Variants in OSBPL3 observed in about 807,000 individuals in gnomAD.
OSBPL3 encodes oxysterol binding protein like 3.
Under a neutral mutation model 120.1 loss-of-function variants are expected in OSBPL3, and 65 were observed. The ratio of observed to expected loss-of-function variants is 0.54; its 90% CI spans 0.44 to 0.67. The LOEUF (loss-of-function observed/expected upper bound fraction) is 0.67, where lower values mean the gene tolerates loss of function less well. Among genes scored for constraint, OSBPL3 ranks in the 30% least tolerant of loss-of-function variants. OSBPL3 has a pLI of 0.00. For synonymous variants in OSBPL3, 416 were observed against 402.6 expected (o/e 1.03, Z -0.40); for missense variants, 1,004 against 1,082.1 (o/e 0.93, Z 1.01).
Position 24,871,558 on chromosome 7 carries a change from T to C in OSBPL3, c.267+184A>G, listed in dbSNP as rs1404868918. The stretch of plus-strand genomic sequence containing the variant: ...GCCCAGAGAGTGTTGCGGGAGCCCC[T>C]GCACCTTGACCTGGTGGAAGAACTG... On this transcript the variant is annotated intron_variant, in intron 4 of 22. Coordinates refer to ENST00000313367, the MANE Select transcript of OSBPL3 (RefSeq NM_015550.4). The surrounding 1 kb of genome is among the most constrained non-coding windows in gnomAD (Gnocchi z 4.8). Among the ~76,000 whole-genome samples, 1 of 152,136 alleles carries C rather than the reference T, an allele frequency of 6.6e-6. No individual in the cohort carries two copies. Among genetic ancestry groups the C allele is most frequent in the African/African-American group, 2.4e-5 (1 of 41,418 alleles).
intron 1 of OSBPL3, among the ~76,000 whole-genome samples, chr7:24,917,238 G>C (rs1809694928): frequency 6.6e-6 from 1 of 151,680 alleles, no homozygotes; most frequent in Non-Finnish European, 1.5e-5. Flanking sequence ...ATCTTAAGGG[G>C]TGTGCATCAG....
chr7:24,847,059 C>CAAAAAAAAAAAAAA (rs10712873), intron 12 of OSBPL3, among the ~76,000 whole-genome samples: 1 of 106,266 alleles, frequency 9.4e-6, no homozygotes. Flanking sequence ...GACTCTGTCT[C>CAAAAAAAAAAAAAA]AAAAAAAAAA....
intron 2 of OSBPL3, among the ~76,000 whole-genome samples, chr7:24,878,612 A>G (rs548105988): frequency 6.6e-6 from 1 of 152,334 alleles, no homozygotes; most frequent in South Asian, 2.1e-4. Flanking sequence ...CTGTACTCAC[A>G]TTTCAATCAC....
intron 1 of OSBPL3, among the ~76,000 whole-genome samples, chr7:24,945,865 T>G (rs2128489976): frequency 6.6e-6 from 1 of 152,366 alleles, no homozygotes; most frequent in East Asian, 1.9e-4. Context: ...TTTCAAACAT[T>G]TTTATTTCTT....
At position 24,965,929 on chromosome 7, in the gene OSBPL3, C is replaced by A. The variant is rs1193525188; in HGVS notation, c.-150+13957G>T. 1.3e-5 allele frequency among the ~76,000 whole-genome samples: 2 copies of A among 152,198 alleles called. No homozygotes were observed. The highest frequency in any genetic ancestry group is 4.8e-5 in the African/African-American group (2 of 41,432). On this transcript the variant is annotated intron_variant, in intron 1 of 22. Coordinates refer to ENST00000313367, the MANE Select transcript of OSBPL3 (RefSeq NM_015550.4). This position sits in a 1 kb window ranked among gnomAD's most constrained non-coding sequence, Gnocchi z 4.3. ...AGAACCACTTCCCTCAAGGGTGTGTCCCATTCATGTGGCCCCACCCCTCCA... is the reference window on the plus strand; with the variant it reads ...AGAACCACTTCCCTCAAGGGTGTGTACCATTCATGTGGCCCCACCCCTCCA...
chr7:24,872,174 G>A lies in OSBPL3; in HGVS notation c.97-105C>T, dbSNP rs1022096967. 6.1e-6 allele frequency: 5 copies of A among 821,854 alleles called. No individual in the cohort carries two copies. In the Admixed American group the frequency reaches 7.8e-5, roughly 13 times the overall value. 50.9% of individuals were successfully genotyped at this position (821,854 alleles called of 1,614,324 possible). On this transcript the variant is annotated intron_variant, in intron 2 of 22. Coordinates refer to ENST00000313367, the MANE Select transcript of OSBPL3 (RefSeq NM_015550.4). This position sits in a 1 kb window ranked among gnomAD's most constrained non-coding sequence, Gnocchi z 4.1. ...TAAATTTATTCAAGATGGGGAGGCT[G>A]GCTGGGTTTGTTGGGGAGAAGAAAT...
Position 24,804,356 on chromosome 7 carries a change from G to A in OSBPL3, c.2526C>T (p.Val842=). 6.2e-7 allele frequency: 1 copy of A among 1,614,012 alleles called. No homozygotes were observed. Among genetic ancestry groups the A allele is most frequent in the Non-Finnish European group, 8.5e-7 (1 of 1,180,002 alleles). ...IEQLQRERRR[V]LEENHVEHQP... ...GGTGCTCCACATGATTTTCTTCTAA[G>A]ACCCGCCGCCTTTCTCTCTGCAGTT... The change falls in exon 22 of 23, where the codon GTC becomes GTT. Residue 842 remains valine (V), a synonymous_variant. Coordinates refer to ENST00000313367, the MANE Select transcript of OSBPL3 (RefSeq NM_015550.4). The surrounding 1 kb of genome is among the most constrained non-coding windows in gnomAD (Gnocchi z 5.4).
intron 2 of OSBPL3, among the ~76,000 whole-genome samples, chr7:24,876,123 C>T (rs1482035373): frequency 3.3e-5 from 5 of 152,196 alleles, no homozygotes; most frequent in Admixed American, 6.5e-5. Context: ...CTCACTTGTG[C>T]TTAAGTCAAC....
chr7:24,941,975 T>C (rs1813155708), intron 1 of OSBPL3, among the ~76,000 whole-genome samples: 1 of 152,172 alleles, frequency 6.6e-6, no homozygotes, highest in Non-Finnish European at 1.5e-5. Context: ...AGTGTCATTC[T>C]AAGGACTCAG....
intron 1 of OSBPL3, among the ~76,000 whole-genome samples, chr7:24,935,718 A>C (rs2128473408): frequency 6.6e-6 from 1 of 152,154 alleles, no homozygotes. Flanking sequence ...ATGTGTCTCT[A>C]TGTGCCTGGG....
At position 24,824,963 on chromosome 7, in the gene OSBPL3, A is replaced by G. The variant is rs1461205567; in HGVS notation, c.1885-4725T>C. Among the ~76,000 whole-genome samples the G allele has an allele frequency of 6.6e-6, 1 of 152,232 alleles. No individual in the cohort carries two copies. On this transcript the variant is annotated intron_variant, in intron 16 of 22. Coordinates refer to ENST00000313367, the MANE Select transcript of OSBPL3 (RefSeq NM_015550.4). The surrounding 1 kb of genome is among the most constrained non-coding windows in gnomAD (Gnocchi z 4.9). ...CTGGAAAATGCTTGGTATGAAGCAG[A>G]AGAAGCAAGGCCAGTCTGGCAGAGC... is the stretch of plus-strand genomic sequence containing the variant.
Position 24,813,007 on chromosome 7 carries a change from C to A in OSBPL3, c.2172+2052G>T, listed in dbSNP as rs1794028618. Among the ~76,000 whole-genome samples the A allele has an allele frequency of 6.6e-6, 1 of 152,170 alleles. No individual in the cohort carries two copies. The highest frequency in any genetic ancestry group is 1.9e-4 in the East Asian group (1 of 5,202). ...GCTCCTTCTGCCTCAGCCTCTCCAG[C>A]AGCTGGGACTACAGGTGCATGCCAC... On this transcript the variant is annotated intron_variant, in intron 19 of 22. Coordinates refer to ENST00000313367, the MANE Select transcript of OSBPL3 (RefSeq NM_015550.4). This position sits in a 1 kb window ranked among gnomAD's most constrained non-coding sequence, Gnocchi z 4.5.
At chr7:24,914,711 A>G (rs1809306132) in intron 1 of OSBPL3, among the ~76,000 whole-genome samples, 1 of 152,164 alleles carries the variant, frequency 6.6e-6, no homozygotes, top group Non-Finnish European at 1.5e-5. Flanking sequence ...TTTCTTTCCC[A>G]TTTCCTCTAT....
At position 24,797,889 on chromosome 7, in the gene OSBPL3, C is replaced by A. The variant is rs1413917964; in HGVS notation, c.*2294G>T. 6.6e-6 allele frequency: 1 copy of A among 152,088 alleles called. No homozygotes were observed. Among genetic ancestry groups the A allele is most frequent in the Non-Finnish European group, 1.5e-5 (1 of 68,018 alleles). 9.4% of individuals were successfully genotyped at this position (152,088 alleles called of 1,614,324 possible). On this transcript the variant is annotated 3_prime_UTR_variant, in exon 23 of 23. Coordinates refer to ENST00000313367, the MANE Select transcript of OSBPL3 (RefSeq NM_015550.4). The surrounding 1 kb of genome is among the most constrained non-coding windows in gnomAD (Gnocchi z 4.8). ...TCTTCCTCTTAAAACTATAAAATGTCCTAGAGACATACATTTGGGGGAAAG... is the reference window on the plus strand; with the variant it reads ...TCTTCCTCTTAAAACTATAAAATGTACTAGAGACATACATTTGGGGGAAAG...
At position 24,858,700 on chromosome 7, in the gene OSBPL3, G is replaced by T. The variant is rs944896599; in HGVS notation, c.1027+2913C>A. 2.0e-5 allele frequency among the ~76,000 whole-genome samples: 3 copies of T among 152,212 alleles called. No homozygotes were observed. The East Asian group carries it at 5.8e-4, about 29-fold the overall frequency. ...TATGTGGCAGCTCTGCAGCCAGCAG[G>T]TTTTCACAAAGTGGGAAAGACAGAA... On this transcript the variant is annotated intron_variant, in intron 10 of 22. Transcript: ENST00000313367.
chr7:24,871,806 G>T lies in OSBPL3; in HGVS notation c.214-11C>A, dbSNP rs534758182. ...CAGATAGAAGAATCTCTGTGGGGAA[G>T]AAAGTATTATTAATTAAGGCATTCA... is the stretch of plus-strand genomic sequence containing the variant. On this transcript the variant is annotated splice_polypyrimidine_tract_variant and intron_variant, in intron 3 of 22. Coordinates refer to ENST00000313367, the MANE Select transcript of OSBPL3 (RefSeq NM_015550.4). This position sits in a 1 kb window ranked among gnomAD's most constrained non-coding sequence, Gnocchi z 4.8. The T allele has an allele frequency of 1.0e-5, 16 of 1,605,538 alleles. No homozygotes were observed. The East Asian group carries it at 2.9e-4, about 29-fold the overall frequency.
chr7:24,833,230 C>T lies in OSBPL3; in HGVS notation c.1746+1256G>A, dbSNP rs767011908. ...GAAAGAAAGTCTCTTGGGCCAGGTACAGTGACTCATGCCTGTAATCCCAGC... is the reference window on the plus strand; with the variant it reads ...GAAAGAAAGTCTCTTGGGCCAGGTATAGTGACTCATGCCTGTAATCCCAGC... On this transcript the variant is annotated intron_variant, in intron 15 of 22. Transcript: ENST00000313367. The surrounding 1 kb of genome is among the most constrained non-coding windows in gnomAD (Gnocchi z 4.4). Among the ~76,000 whole-genome samples the T allele has an allele frequency of 6.6e-6, 1 of 152,148 alleles. No individual in the cohort carries two copies. The highest frequency in any genetic ancestry group is 1.5e-5 in the Non-Finnish European group (1 of 68,038).
In OSBPL3 at chr7:24,855,071, T is replaced by C. The variant is rs1310603211; in HGVS notation, c.1028-2437A>G. Among the ~76,000 whole-genome samples the C allele has an allele frequency of 6.6e-6, 1 of 152,188 alleles. No individual in the cohort carries two copies. Among genetic ancestry groups the C allele is most frequent in the African/African-American group, 2.4e-5 (1 of 41,446 alleles). ...GCACACAGGGTAGAAATTCTAGGAA[T>C]GAGGGGTTGGCCAGAATCTATGGAG... On this transcript the variant is annotated intron_variant, in intron 10 of 22. Transcript: ENST00000313367. The surrounding 1 kb of genome is among the most constrained non-coding windows in gnomAD (Gnocchi z 4.3).
chr7:24,906,206 T>C (rs1404574435), intron 1 of OSBPL3: 2 of 246,194 alleles, frequency 8.1e-6, no homozygotes, highest in South Asian at 4.2e-5. Context: ...CTAGGCATCA[T>C]TGGCATGTGA....
Sources: allele counts gnomAD v4.1 joint callset (sites outside exome capture counted in the v4.1 genomes callset), GRCh38; gene constraint gnomAD v4.1.1; non-coding constraint Gnocchi (gnomAD v3.1); transcripts MANE v1.5; gene names NCBI Gene and HGNC (gene_info 2026-07-23, HGNC 2026-07-21).